Variants in DIS3L2 observed in about 807,000 individuals in gnomAD.
DIS3L2 encodes the protein DIS3 like 3'-5' exoribonuclease 2, also known as DIS3-like exonuclease 2.
Under a neutral mutation model 97.5 loss-of-function variants are expected in DIS3L2, and 34 were observed. The observed-to-expected ratio is 0.35, with a 90% CI of 0.27 to 0.46. The LOEUF is 0.46. Among genes scored for constraint, DIS3L2 ranks in the 20% least tolerant of loss-of-function variants. DIS3L2 has a pLI of 1.00. For missense variants in DIS3L2, 1,038 were observed against 1,146.0 expected, an observed-to-expected ratio of 0.91 and a Z score of 1.36; for synonymous variants, 435 against 445.2, an observed-to-expected ratio of 0.98 and a Z score of 0.29.
intron 10 of DIS3L2, among the ~76,000 whole-genome samples, chr2:232,224,806 C>G (rs1242574809): frequency 6.6e-6 from 1 of 150,594 alleles, no homozygotes; most frequent in Admixed American, 6.6e-5. Context: ...CCACTGCATT[C>G]CAGCCTGGGC....
chr2:232,323,025 G>T (rs1436045610), intron 14 of DIS3L2, among the ~76,000 whole-genome samples: 1 of 152,230 alleles, frequency 6.6e-6, no homozygotes, highest in Non-Finnish European at 1.5e-5. Context: ...GGCACTGTGG[G>T]GACTCCCCCA....
At chr2:232,193,177 C>T (rs952910629) in intron 9 of DIS3L2, among the ~76,000 whole-genome samples, 2 of 152,216 alleles carry the variant, frequency 1.3e-5, no homozygotes, top group Admixed American at 1.3e-4. Flanking sequence ...TTTGACTTTA[C>T]ATGCTAGTTT....
intron 14 of DIS3L2, among the ~76,000 whole-genome samples, chr2:232,323,434 C>T (rs1178125346): frequency 6.6e-6 from 1 of 152,230 alleles, no homozygotes; most frequent in African/African-American, 2.4e-5. Context: ...CATCTAGCCT[C>T]TGGGGACTTC....
intron 9 of DIS3L2, among the ~76,000 whole-genome samples, chr2:232,188,154 G>C (rs369147762): frequency 6.6e-6 from 1 of 152,068 alleles, no homozygotes; most frequent in Non-Finnish European, 1.5e-5. Flanking sequence ...AAAAGTGGAG[G>C]GGGAGGGAGG....
chr2:232,122,021 C>CAG (rs1697921950), intron 6 of DIS3L2, among the ~76,000 whole-genome samples: 1 of 152,142 alleles, frequency 6.6e-6, no homozygotes, highest in Non-Finnish European at 1.5e-5. Flanking sequence ...GTTCAGAAAC[C>CAG]TGTCTAAGCT....
chr2:232,332,703 C>T (rs1221372256), intron 16 of DIS3L2, among the ~76,000 whole-genome samples: 1 of 152,176 alleles, frequency 6.6e-6, no homozygotes, highest in Non-Finnish European at 1.5e-5. Flanking sequence ...GTCTCAGCCC[C>T]CGGGAGGGTC....
downstream of DIS3L2, among the ~76,000 whole-genome samples, chr2:232,338,745 G>A (rs1182830327): frequency 3.3e-5 from 5 of 152,238 alleles, no homozygotes; most frequent in African/African-American, 1.2e-4. Flanking sequence ...ATCCGGTGCC[G>A]CGCATTCACA....
At chr2:232,306,426 A>G (rs772161216) in intron 14 of DIS3L2, among the ~76,000 whole-genome samples, 2 of 152,120 alleles carry the variant, frequency 1.3e-5, no homozygotes, top group Non-Finnish European at 2.9e-5. Flanking sequence ...CCCGGCCCCC[A>G]GTTGCCACGG....
intron 5 of DIS3L2, among the ~76,000 whole-genome samples, chr2:232,047,177 G>A (rs560120569): frequency 6.6e-6 from 1 of 152,308 alleles, no homozygotes; most frequent in South Asian, 2.1e-4. Context: ...TCAATATAAA[G>A]AGTTTTTGTA....
At chr2:232,163,870 A>G (rs1168535567) in intron 9 of DIS3L2, among the ~76,000 whole-genome samples, 1 of 152,228 alleles carries the variant, frequency 6.6e-6, no homozygotes, top group Non-Finnish European at 1.5e-5. Context: ...GTTGGAAAAA[A>G]TTAAAACAAG....
At chr2:232,214,806 G>T (rs1692287801) in intron 10 of DIS3L2, among the ~76,000 whole-genome samples, 1 of 152,162 alleles carries the variant, frequency 6.6e-6, no homozygotes, top group Non-Finnish European at 1.5e-5. Context: ...GACAAGCTAG[G>T]ACCTTTATTC....
At chr2:232,326,941 A>T (rs1156371185) in intron 14 of DIS3L2, among the ~76,000 whole-genome samples, 2 of 152,202 alleles carry the variant, frequency 1.3e-5, no homozygotes, top group African/African-American at 4.8e-5. Flanking sequence ...CAGGTAGCGG[A>T]GTTGCCAGGG....
In DIS3L2 at chr2:232,048,098, C is replaced by G. The variant is rs34365281; in HGVS notation, c.366+18018C>G. Reference sequence around the variant, plus strand: ...TTGTCTAGGAGTGAAGTTATTGGGTCATGTGGTGACTCCATGTTTAACAAA... The same window carrying G: ...TTGTCTAGGAGTGAAGTTATTGGGTGATGTGGTGACTCCATGTTTAACAAA... On this transcript the variant is annotated intron_variant, in intron 5 of 20. Coordinates refer to ENST00000325385, the MANE Select transcript of DIS3L2 (RefSeq NM_152383.5). Among the ~76,000 whole-genome samples, 586 of 152,226 alleles carry G rather than the reference C, an allele frequency of 3.8e-3. 7 individuals carry two copies. Among genetic ancestry groups the G allele is most frequent in the Non-Finnish European group, 3.8e-3 (260 of 68,018 alleles).
chr2:232,298,574 G>C (rs1234541221), intron 13 of DIS3L2, among the ~76,000 whole-genome samples: 1 of 151,906 alleles, frequency 6.6e-6, no homozygotes. Context: ...TTTTCATCTG[G>C]GTCAGTTAGA....
downstream of DIS3L2, among the ~76,000 whole-genome samples, chr2:232,338,826 A>G (rs563920982): frequency 2.6e-5 from 4 of 152,402 alleles, no homozygotes; most frequent in South Asian, 8.3e-4. Context: ...CTCAACAGAA[A>G]GAGTGACCAG....
intron 6 of DIS3L2, among the ~76,000 whole-genome samples, chr2:232,123,992 A>T (rs1697982019): frequency 6.6e-6 from 1 of 152,210 alleles, no homozygotes; most frequent in South Asian, 2.1e-4. Flanking sequence ...TTCTTTCAAA[A>T]GAAAGGTTTC....
chr2:231,995,607 C>T (rs1482943383), intron 1 of DIS3L2, among the ~76,000 whole-genome samples: 1 of 152,196 alleles, frequency 6.6e-6, no homozygotes, highest in Non-Finnish European at 1.5e-5. Flanking sequence ...TTAAACCACT[C>T]TTGATACTAA....
intron 9 of DIS3L2, among the ~76,000 whole-genome samples, chr2:232,199,794 T>TA (rs1691843945): frequency 6.6e-6 from 1 of 152,096 alleles, no homozygotes; most frequent in Non-Finnish European, 1.5e-5. Context: ...GGGGGAATGA[T>TA]AGAGATGGGA....
At chr2:232,020,091 T>C (rs1694470297) in intron 3 of DIS3L2, among the ~76,000 whole-genome samples, 2 of 152,032 alleles carry the variant, frequency 1.3e-5, no homozygotes. Context: ...GAAGGAAGCC[T>C]GTTGGAACAT....
Sources: allele counts gnomAD v4.1 joint callset (sites outside exome capture counted in the v4.1 genomes callset), GRCh38; gene constraint gnomAD v4.1.1; transcripts MANE v1.5; gene names NCBI Gene and HGNC (gene_info 2026-07-23, HGNC 2026-07-21).